KLHL5: variants seen among roughly 807,000 people sequenced by gnomAD.
The protein encoded by KLHL5 is kelch like family member 5, also known as kelch-like protein 5.
KLHL5 carries 48 observed loss-of-function variants against 77.7 expected under a neutral mutation model. The observed-to-expected ratio is 0.62, with a 90% confidence interval of 0.49 to 0.79. The LOEUF is 0.79. Among genes scored for constraint, KLHL5 ranks in the 30% least tolerant of loss-of-function variants. KLHL5 has a pLI of 0.00. For synonymous variants in KLHL5, 260 were observed against 297.0 expected, an observed-to-expected ratio of 0.88 and a Z score of 1.28; for missense variants, 723 against 859.7, an observed-to-expected ratio of 0.84 and a Z score of 1.99.
In KLHL5 at chr4:39,092,503, C is replaced by T. The variant is rs571777290; in HGVS notation, c.1114-4189C>T. On this transcript the variant is annotated intron_variant, in intron 5 of 10. Coordinates refer to ENST00000504108, the MANE Select transcript of KLHL5 (RefSeq NM_015990.5). ...AAGTAATTGTATATAATAGAATTAA[C>T]ATAAACATTAAAATTAACCTTAATG... Among the ~76,000 whole-genome samples, 3 of 152,142 alleles carry T rather than the reference C, an allele frequency of 2.0e-5. No individual in the cohort carries two copies. In the South Asian group the frequency reaches 6.2e-4, roughly 32 times the overall value.
chr4:39,106,210 A>C (rs1722025914), intron 7 of KLHL5, among the ~76,000 whole-genome samples: 1 of 152,094 alleles, frequency 6.6e-6, no homozygotes, highest in South Asian at 2.1e-4. Context: ...AGACACAGTG[A>C]GCATACCTCA....
At chr4:39,107,806 G>A (rs913855886) in intron 8 of KLHL5, 75 bp downstream of exon 8, 67 of 1,115,244 alleles carry the variant, frequency 6.0e-5, no homozygotes, top group Non-Finnish European at 8.2e-5. Context: ...CTAATTTAAA[G>A]ATATACATAA....
chr4:39,077,569 T>A (rs562979246), intron 2 of KLHL5, among the ~76,000 whole-genome samples: 1 of 151,344 alleles, frequency 6.6e-6, no homozygotes, highest in Admixed American at 6.6e-5. Context: ...AATCATAAAA[T>A]CGAAAAATAA....
intron 2 of KLHL5, among the ~76,000 whole-genome samples, chr4:39,077,665 AGT>A (rs1475813484): frequency 2.7e-5 from 4 of 150,190 alleles, no homozygotes; most frequent in African/African-American, 9.8e-5. Flanking sequence ...TACAGAAAAC[AGT>A]GTGGATATTC....
intron 6 of KLHL5, among the ~76,000 whole-genome samples, chr4:39,101,883 C>CACACACACACACACATAT (rs1560433116): frequency 2.1e-5 from 3 of 143,618 alleles, no homozygotes; most frequent in Non-Finnish European, 3.0e-5. Context: ...TATATACACA[C>CACACACACACACACATAT]ACACACACAC....
At chr4:39,087,724 C>G (rs924516300) in intron 5 of KLHL5, among the ~76,000 whole-genome samples, 2 of 152,170 alleles carry the variant, frequency 1.3e-5, no homozygotes, top group African/African-American at 2.4e-5. Flanking sequence ...TGCTGCCTAT[C>G]TCAAGGCCTT....
At chr4:39,130,038 C>T (rs1196742510), downstream of KLHL5, among the ~76,000 whole-genome samples, 3 of 152,142 alleles carry the variant, frequency 2.0e-5, no homozygotes, top group African/African-American at 4.8e-5. Context: ...GTAGGATTAC[C>T]TGTGCTGAGA....
intron 8 of KLHL5, among the ~76,000 whole-genome samples, chr4:39,108,778 C>A (rs1457057687): frequency 6.6e-6 from 1 of 152,130 alleles, no homozygotes. Flanking sequence ...ACAGTATCTT[C>A]TTGGTTTTGA....
chr4:39,094,810 T>C (rs1017155390), intron 5 of KLHL5, among the ~76,000 whole-genome samples: 3 of 151,974 alleles, frequency 2.0e-5, no homozygotes, highest in African/African-American at 7.2e-5. Flanking sequence ...TTAAAGAAAA[T>C]AAAAATGCTC....
At chr4:39,051,952 T>G (rs1473270845) in intron 1 of KLHL5, among the ~76,000 whole-genome samples, 1 of 152,178 alleles carries the variant, frequency 6.6e-6, no homozygotes, top group African/African-American at 2.4e-5. Flanking sequence ...TAATAACAGT[T>G]GAGGTACCTA....
chr4:39,066,009 G>A (rs1372163930), intron 1 of KLHL5, among the ~76,000 whole-genome samples: 2 of 152,164 alleles, frequency 1.3e-5, no homozygotes, highest in Non-Finnish European at 2.9e-5. Context: ...TTCTAACAAG[G>A]AAAAATGTCT....
At chr4:39,068,677 A>G (rs2109314319) in intron 1 of KLHL5, among the ~76,000 whole-genome samples, 1 of 152,304 alleles carries the variant, frequency 6.6e-6, no homozygotes, top group East Asian at 1.9e-4. Flanking sequence ...TACACAGTTG[A>G]CCTTTTAAAC....
chr4:39,044,888 C>T (rs1716023755), upstream of KLHL5: 5 of 960,036 alleles, frequency 5.2e-6, no homozygotes, highest in South Asian at 4.8e-5. Context: ...GGACTCTGAC[C>T]CCCCGGCCTG....
intron 7 of KLHL5, among the ~76,000 whole-genome samples, chr4:39,105,632 TTA>T (rs1364501438): frequency 6.6e-5 from 10 of 151,122 alleles, no homozygotes; most frequent in Admixed American, 2.0e-4. Context: ...TAATGTGTAT[TTA>T]TATGTTTATA....
intron 1 of KLHL5, among the ~76,000 whole-genome samples, chr4:39,069,403 T>TC (rs1318837742): frequency 6.7e-6 from 1 of 149,172 alleles, no homozygotes; most frequent in African/African-American, 2.5e-5. Flanking sequence ...GATCTAATTT[T>TC]TAAGTGAATT....
Position 39,123,037 on chromosome 4 carries a change from A to G in KLHL5, c.*1971A>G, listed in dbSNP as rs143959707. Among the ~76,000 whole-genome samples the G allele has an allele frequency of 9.5e-4, 145 of 152,302 alleles. 1 individual carries two copies. Among genetic ancestry groups the G allele is most frequent in the African/African-American group, 3.2e-3 (134 of 41,578 alleles). On this transcript the variant is annotated 3_prime_UTR_variant, in exon 11 of 11. Coordinates refer to ENST00000504108, the MANE Select transcript of KLHL5 (RefSeq NM_015990.5). ...TGCAATATAATATATTTCAAGTTTTATACATATTAGATGAATTGCATGGTA... is the reference window on the plus strand; with the variant it reads ...TGCAATATAATATATTTCAAGTTTTGTACATATTAGATGAATTGCATGGTA...
chr4:39,108,848 T>C (rs1722232577), intron 8 of KLHL5, among the ~76,000 whole-genome samples: 1 of 152,190 alleles, frequency 6.6e-6, no homozygotes, highest in South Asian at 2.1e-4. Flanking sequence ...AGCAACATAT[T>C]TCTTAGCCCT....
chr4:39,138,825 A>G, the KLHL5 span, among the ~76,000 whole-genome samples: 20 of 152,350 alleles, frequency 1.3e-4, no homozygotes, highest in South Asian at 1.0e-3. Context: ...AGGAACGCAT[A>G]TAAATATAAA....
chr4:39,115,875 A>G, intron 10 of KLHL5: 1 of 993,272 alleles, frequency 1.0e-6, no homozygotes, highest in Non-Finnish European at 1.2e-6. Flanking sequence ...AGCACTTCTA[A>G]AAATGATCTT....
Sources: allele counts gnomAD v4.1 joint callset (sites outside exome capture counted in the v4.1 genomes callset), GRCh38; gene constraint gnomAD v4.1.1; transcripts MANE v1.5; gene names NCBI Gene and HGNC (gene_info 2026-07-23, HGNC 2026-07-21).